OPTN: variants seen among roughly 807,000 people sequenced by gnomAD.
The protein encoded by OPTN is E3-14.7K-interacting protein.
In OPTN, 54 loss-of-function variants were observed where a neutral mutation model predicts 70.4. The observed-to-expected ratio is 0.77, with a 90% CI of 0.62 to 0.96. OPTN has a LOEUF of 0.96. OPTN is among the 40% of genes least tolerant of loss of function. The pLI, the probability that OPTN is intolerant of heterozygous loss-of-function variation, is 0.00. For synonymous variants in OPTN, 256 were observed against 248.5 expected (o/e 1.03, Z -0.28); for missense variants, 624 against 673.2 (o/e 0.93, Z 0.81).
intron 8 of OPTN, 28 bp downstream of exon 8, chr10:13,122,515 C>A: frequency 7.2e-7 from 1 of 1,394,088 alleles, no homozygotes; most frequent in Non-Finnish European, 1.0e-6. Context: ...ACGGCCACTA[C>A]CACACCCACA....
intron 2 of OPTN, 147 bp downstream of exon 2, chr10:13,108,436 G>T (rs909765276): frequency 1.3e-5 from 2 of 152,054 alleles, no homozygotes; most frequent in African/African-American, 4.8e-5. Context: ...TTGAAGATTT[G>T]CATGGGAAAT....
At position 13,110,402 on chromosome 10, in the gene OPTN, G is replaced by A; in HGVS notation, c.295G>A (p.Ala99Thr). 1 of 1,614,108 alleles carries A rather than the reference G, an allele frequency of 6.2e-7. No individual in the cohort carries two copies. The highest frequency in any genetic ancestry group is 8.5e-7 in the Non-Finnish European group (1 of 1,179,982). The change falls in exon 4 of 15, where the codon GCC (alanine) becomes ACC (threonine). Residue 99 changes from alanine to threonine, a missense_variant. Coordinates refer to ENST00000378747, the MANE Select transcript of OPTN (RefSeq NM_001008212.2). The part of the protein sequence containing the change: ...QSKEAKERLM[A>T]LSHENEKLKE... ...CAAAGAAGCAAAAGAGCGTCTAATG[G>A]CCTTGAGTCATGAGAATGAGAAATT...
At chr10:13,115,497 T>TATTATAG (rs1564359974) in intron 5 of OPTN, among the ~76,000 whole-genome samples, 2 of 98,218 alleles carry the variant, frequency 2.0e-5, no homozygotes, top group African/African-American at 1.1e-4. Context: ...CTATATTATA[T>TATTATAG]AATATAGAAT....
chr10:13,125,282 T>C, intron 9 of OPTN, 136 bp from the exon 10 acceptor site: 1 of 887,926 alleles, frequency 1.1e-6, no homozygotes, highest in African/African-American at 1.7e-5. Flanking sequence ...GCAAGGAGGA[T>C]TATGTATTTC....
In OPTN at chr10:13,136,884, C is replaced by G. The variant is rs369050777; in HGVS notation, c.*18C>G. On this transcript the variant is annotated 3_prime_UTR_variant, in exon 15 of 15. Coordinates refer to ENST00000378747, the MANE Select transcript of OPTN (RefSeq NM_001008212.2). ...TCATTTAAGTGTTGATGTATCACCT[C>G]CCCAAAACTGTTGGTAAATGTCAGA... The G allele has an allele frequency of 1.2e-5, 20 of 1,614,060 alleles. No homozygotes were observed. Among genetic ancestry groups the G allele is most frequent in the Non-Finnish European group, 1.5e-5 (18 of 1,179,932 alleles).
intron 11 of OPTN, among the ~76,000 whole-genome samples, chr10:13,126,576 G>A (rs1006114456): frequency 6.7e-6 from 1 of 149,376 alleles, no homozygotes; most frequent in African/African-American, 2.5e-5. Context: ...CACCGCGCCC[G>A]GCCAGCACTT....
chr10:13,109,853 A>AAAAAAAAAAG (rs1554768326), intron 3 of OPTN, among the ~76,000 whole-genome samples: 1 of 139,268 alleles, frequency 7.2e-6, no homozygotes, highest in Non-Finnish European at 1.5e-5. Flanking sequence ...AAAAAAAAAA[A>AAAAAAAAAAG]GGAAAAAGGA....
intron 12 of OPTN, among the ~76,000 whole-genome samples, chr10:13,129,356 CTTT>C (rs780049166): frequency 2.1e-5 from 3 of 142,318 alleles, no homozygotes; most frequent in Non-Finnish European, 3.1e-5. Flanking sequence ...AAGCATCAAA[CTTT>C]TTTTTTTTTT....
At chr10:13,123,925 TCTC>T in intron 8 of OPTN, 67 bp from the exon 9 acceptor site, 1 of 1,132,280 alleles carries the variant, frequency 8.8e-7, no homozygotes, top group South Asian at 1.3e-5. Context: ...CAGCCTGTTT[TCTC>T]CTAAAGAGGT....
chr10:13,112,687 G>T, intron 5 of OPTN, 52 bp downstream of exon 5: 1 of 1,548,532 alleles, frequency 6.5e-7, no homozygotes, highest in Non-Finnish European at 8.9e-7. Flanking sequence ...GCCTCCCCTG[G>T]AAAGATGAAA....
intron 13 of OPTN, among the ~76,000 whole-genome samples, chr10:13,132,673 T>C (rs1299522932): frequency 2.6e-5 from 4 of 152,064 alleles, no homozygotes; most frequent in Non-Finnish European, 2.9e-5. Context: ...CATGCCACCA[T>C]GCACTTGTAA....
At position 13,118,962 on chromosome 10, in the gene OPTN, G is replaced by A. The variant is rs768679465; in HGVS notation, c.701G>A (p.Ser234Asn). Residue 234 changes from serine (S) to asparagine (N), a missense_variant, in exon 7 of 15, where the codon AGC (serine) becomes AAC (asparagine). Transcript: ENST00000378747. ...TTCGAACATGAGGAGTTAACTGTGA[G>A]CCAGCTCCTGCTGTGCCTAAGGGAA... ...NYFEHEELTV[S>N]QLLLCLREGN... The A allele has an allele frequency of 8.1e-6, 13 of 1,614,066 alleles. No homozygotes were observed. Among genetic ancestry groups the A allele is most frequent in the Middle Eastern group, 1.6e-4 (1 of 6,062 alleles).
chr10:13,119,081 C>G, intron 7 of OPTN, 41 bp downstream of exon 7: 1 of 1,574,214 alleles, frequency 6.4e-7, no homozygotes, highest in Non-Finnish European at 8.7e-7. Context: ...TTTTTTAAAA[C>G]AGCTTTCCTG....
rs1833636366 is a variant in OPTN at position 13,133,557 on chromosome 10, C to CT, written c.1588_1589insT (p.Gln530LeufsTer11). 6.2e-7 allele frequency: 1 copy of CT among 1,613,954 alleles called. No individual in the cohort carries two copies. Among genetic ancestry groups the CT allele is most frequent in the Admixed American group, 1.7e-5 (1 of 59,996 alleles). Reference sequence around the variant, plus strand: ...TGGGGCGAGAACAAGTGACTCTGACCAGCAGGCTTACCTTGTTCAAAGAGG... The same window carrying CT: ...TGGGGCGAGAACAAGTGACTCTGACCTAGCAGGCTTACCTTGTTCAAAGAGG... On this transcript the variant is annotated frameshift_variant, in exon 14 of 15. Coordinates refer to ENST00000378747, the MANE Select transcript of OPTN (RefSeq NM_001008212.2). LOFTEE classifies it high-confidence loss of function.
At chr10:13,107,943 A>G (rs1040949290) in intron 1 of OPTN, among the ~76,000 whole-genome samples, 195 bp from the exon 2 acceptor site, 10 of 152,352 alleles carry the variant, frequency 6.6e-5, no homozygotes, top group Middle Eastern at 3.4e-3. Flanking sequence ...TTGGTAACAC[A>G]GAAGCAGAGT....
chr10:13,122,583 A>T, intron 8 of OPTN, 96 bp downstream of exon 8: 1 of 820,044 alleles, frequency 1.2e-6, no homozygotes, highest in Non-Finnish European at 2.1e-6. Context: ...TTTGCTTTAG[A>T]AATATAGAAA....
Position 13,136,910 on chromosome 10 carries a change from T to C in OPTN, c.*44T>C. On this transcript the variant is annotated 3_prime_UTR_variant, in exon 15 of 15. Coordinates refer to ENST00000378747, the MANE Select transcript of OPTN (RefSeq NM_001008212.2). The stretch of plus-strand genomic sequence containing the variant: ...CCCAAAACTGTTGGTAAATGTCAGA[T>C]TTTTTCCTCCAAGAGTTGTGCTTTT... The C allele has an allele frequency of 6.2e-7, 1 of 1,612,582 alleles. No individual in the cohort carries two copies. The highest frequency in any genetic ancestry group is 8.5e-7 in the Non-Finnish European group (1 of 1,178,876).
Position 13,116,318 on chromosome 10 carries a change from A to T in OPTN, c.604A>T (p.Thr202Ser), listed in dbSNP as rs762743374. The change falls in exon 6 of 15, where the codon ACG (threonine) becomes TCG (serine). Residue 202 changes from threonine to serine, a missense_variant. Thr to Ser is a moderately conservative substitution (Grantham distance 58). Transcript: ENST00000378747. ...VKEIKHSPGP[T>S]RTVSTGTALS... ...AGAAATCAAGCATAGTCCTGGGCCC[A>T]CGAGAACAGTCTCCACTGGCACGTA... is the stretch of plus-strand genomic sequence containing the variant. 1 of 1,613,752 alleles carries T rather than the reference A, an allele frequency of 6.2e-7. No homozygotes were observed. The highest frequency in any genetic ancestry group is 8.5e-7 in the Non-Finnish European group (1 of 1,179,670).
Position 13,128,502 on chromosome 10 carries a change from C to CTTTTTTTTTTT in OPTN, c.1401+621_1401+631dup, listed in dbSNP as rs56147136. ...TTGTGAAGTGCCTTATCAAGCCTGCCTTTTTTTTTTTTTTTTTTTTTTTTT... is the reference window on the plus strand; with the variant it reads ...TTGTGAAGTGCCTTATCAAGCCTGCCTTTTTTTTTTTTTTTTTTTTTTTTTTTTTTTTTTTT... On this transcript the variant is annotated intron_variant, in intron 12 of 14. Transcript: ENST00000378747. Among the ~76,000 whole-genome samples, 47 of 33,462 alleles carry CTTTTTTTTTTT rather than the reference C, an allele frequency of 1.4e-3. 2 individuals are homozygous for CTTTTTTTTTTT. Among genetic ancestry groups the CTTTTTTTTTTT allele is most frequent in the Non-Finnish European group, 1.5e-3 (26 of 17,110 alleles). The allele number at this position is 33,462 out of a possible 152,430, so 22.0% of individuals were successfully genotyped here.
Sources: allele counts gnomAD v4.1 joint callset (sites outside exome capture counted in the v4.1 genomes callset), GRCh38; gene constraint gnomAD v4.1.1; transcripts MANE v1.5; gene names NCBI Gene and HGNC (gene_info 2026-07-23, HGNC 2026-07-21).